Variants in CNTNAP2 observed in about 807,000 individuals in gnomAD.
CNTNAP2 encodes contactin associated protein 2.
In CNTNAP2, 98 loss-of-function variants were observed where a neutral mutation model predicts 155.2. The observed-to-expected ratio is 0.63, with a 90% CI of 0.54 to 0.75. CNTNAP2 has a LOEUF of 0.75. Among genes scored for constraint, CNTNAP2 ranks in the 30% least tolerant of loss-of-function variants. The pLI, the probability that CNTNAP2 is intolerant of heterozygous loss-of-function variation, is 0.00. For missense variants in CNTNAP2, 1,727 were observed against 1,688.1 expected (o/e 1.02, Z -0.40); for synonymous variants, 651 against 631.2 (o/e 1.03, Z -0.47).
chr7:146,385,446 A>G (rs1332000605), intron 1 of CNTNAP2, among the ~76,000 whole-genome samples: 2 of 152,244 alleles, frequency 1.3e-5, no homozygotes, highest in East Asian at 3.9e-4. Flanking sequence ...ATCAAGTGAC[A>G]TATATGAATG....
rs191898513 is a variant in CNTNAP2 at position 148,064,050 on chromosome 7, C to A, written c.2384-54068C>A. ...AGATCAGTTGGCTGTAAGTATTTGA[C>A]TTTTTTTCTGGGTTCTCTATTCTGT... On this transcript the variant is annotated intron_variant, in intron 15 of 23. Transcript: ENST00000361727. Among the ~76,000 whole-genome samples the A allele has an allele frequency of 1.9e-3, 287 of 152,062 alleles. 1 individual carries two copies. Among genetic ancestry groups the A allele is most frequent in the African/African-American group, 6.1e-3 (254 of 41,540 alleles).
At chr7:146,372,558 A>G (rs887922522) in intron 1 of CNTNAP2, among the ~76,000 whole-genome samples, 22 of 152,224 alleles carry the variant, frequency 1.4e-4, no homozygotes, top group African/African-American at 5.3e-4. Context: ...AACCAATTTT[A>G]ATTTCTAAGA....
At position 146,612,708 on chromosome 7, in the gene CNTNAP2, T is replaced by TA. The variant is rs538716096; in HGVS notation, c.98-161557dup. On this transcript the variant is annotated intron_variant, in intron 1 of 23. Transcript: ENST00000361727. ...GACGGGTACAGCTTAAATTTCCCAT[T>TA]AAAAAATCATATGTCATTCCCAAAC... Among the ~76,000 whole-genome samples, 366 of 152,254 alleles carry TA rather than the reference T, an allele frequency of 2.4e-3. 3 individuals are homozygous for TA. The highest frequency in any genetic ancestry group is 8.2e-3 in the African/African-American group (341 of 41,566).
intron 11 of CNTNAP2, among the ~76,000 whole-genome samples, chr7:147,524,734 T>C (rs566276859): frequency 7.3e-4 from 111 of 152,314 alleles, no homozygotes; most frequent in Non-Finnish European, 1.4e-3. Flanking sequence ...TAGTGCAGCA[T>C]AGGAGTTCCA....
At chr7:146,247,052 G>T (rs536953129) in intron 1 of CNTNAP2, among the ~76,000 whole-genome samples, 4 of 152,298 alleles carry the variant, frequency 2.6e-5, no homozygotes, top group Non-Finnish European at 5.9e-5. Flanking sequence ...TTTTGGAGTT[G>T]TATTTAATGT....
intron 10 of CNTNAP2, among the ~76,000 whole-genome samples, chr7:147,445,318 G>T (rs1797714987): frequency 6.6e-6 from 1 of 152,134 alleles, no homozygotes; most frequent in African/African-American, 2.4e-5. Flanking sequence ...TATTTCCTAT[G>T]AAACAGTGAG....
intron 1 of CNTNAP2, among the ~76,000 whole-genome samples, chr7:146,514,053 T>G (rs2129136080): frequency 6.6e-6 from 1 of 152,094 alleles, no homozygotes; most frequent in East Asian, 1.9e-4. Context: ...CCACCTGGCC[T>G]GGTTTTCACT....
At chr7:147,555,432 A>T (rs1349125022) in intron 11 of CNTNAP2, among the ~76,000 whole-genome samples, 1 of 152,348 alleles carries the variant, frequency 6.6e-6, no homozygotes, top group Admixed American at 6.5e-5. Flanking sequence ...GTACAAGTAT[A>T]TAGTAAGCAT....
At chr7:147,952,927 G>A (rs559976245) in intron 14 of CNTNAP2, among the ~76,000 whole-genome samples, 1 of 152,152 alleles carries the variant, frequency 6.6e-6, no homozygotes, top group Non-Finnish European at 1.5e-5. Flanking sequence ...GGAATAGCTA[G>A]TCTAATTTTG....
intron 9 of CNTNAP2, among the ~76,000 whole-genome samples, chr7:147,311,828 A>G (rs1253266268): frequency 6.6e-6 from 1 of 152,184 alleles, no homozygotes; most frequent in African/African-American, 2.4e-5. Context: ...AAATTCAAGT[A>G]ATATTCTTAT....
intron 1 of CNTNAP2, among the ~76,000 whole-genome samples, chr7:146,724,662 C>A (rs568984059): frequency 6.7e-6 from 1 of 149,274 alleles, no homozygotes; most frequent in Non-Finnish European, 1.5e-5. Flanking sequence ...CCTCCGACTC[C>A]GTGGTTCAAG....
At chr7:146,602,664 G>A (rs2129152102) in intron 1 of CNTNAP2, among the ~76,000 whole-genome samples, 1 of 152,236 alleles carries the variant, frequency 6.6e-6, no homozygotes, top group South Asian at 2.1e-4. Flanking sequence ...ATTTTTTACT[G>A]ATTGGAAAAT....
rs114205189 is a variant in CNTNAP2 at position 146,376,205 on chromosome 7, G to A, written c.97+259232G>A. 9.4e-3 allele frequency among the ~76,000 whole-genome samples: 1,435 copies of A among 152,210 alleles called. 23 individuals are homozygous for A. The highest frequency in any genetic ancestry group is 0.032 in the African/African-American group (1,318 of 41,532). On this transcript the variant is annotated intron_variant, in intron 1 of 23. Coordinates refer to ENST00000361727, the MANE Select transcript of CNTNAP2 (RefSeq NM_014141.6). Reference sequence around the variant, plus strand: ...AAGTTTGCTAGTACACATATCTATAGTCTTTGCTTTTTACCTCTGGATACA... The same window carrying A: ...AAGTTTGCTAGTACACATATCTATAATCTTTGCTTTTTACCTCTGGATACA...
At chr7:148,175,385 C>T (rs1327300848) in intron 18 of CNTNAP2, among the ~76,000 whole-genome samples, 1 of 152,054 alleles carries the variant, frequency 6.6e-6, no homozygotes, top group African/African-American at 2.4e-5. Context: ...CATAAAATAT[C>T]TAGCTATTTA....
At chr7:146,843,947 G>A in intron 3 of CNTNAP2, among the ~76,000 whole-genome samples, 1 of 152,034 alleles carries the variant, frequency 6.6e-6, no homozygotes, top group Admixed American at 6.6e-5. Context: ...TATAATGATT[G>A]TTTACCTGAG....
chr7:146,321,038 C>A (rs532931643), intron 1 of CNTNAP2, among the ~76,000 whole-genome samples: 1 of 151,900 alleles, frequency 6.6e-6, no homozygotes, highest in East Asian at 1.9e-4. Flanking sequence ...ACTAACAGAC[C>A]AATTTCATAA....
At chr7:146,652,864 G>A (rs528068274) in intron 1 of CNTNAP2, among the ~76,000 whole-genome samples, 12 of 152,220 alleles carry the variant, frequency 7.9e-5, no homozygotes, top group South Asian at 2.1e-4. Context: ...TGAAGACTTC[G>A]TTGTCGTGAA....
chr7:147,959,084 T>C (rs1265102792), intron 14 of CNTNAP2, among the ~76,000 whole-genome samples: 2 of 152,212 alleles, frequency 1.3e-5, no homozygotes, highest in Non-Finnish European at 2.9e-5. Flanking sequence ...TTTCTTTGGC[T>C]GTTGAGACTT....
chr7:147,622,153 C>T (rs1379050391), intron 12 of CNTNAP2, among the ~76,000 whole-genome samples: 1 of 151,780 alleles, frequency 6.6e-6, no homozygotes, highest in Non-Finnish European at 1.5e-5. Context: ...ATTATTAGAG[C>T]TAAAGAGAGA....
Sources: allele counts gnomAD v4.1 joint callset (sites outside exome capture counted in the v4.1 genomes callset), GRCh38; gene constraint gnomAD v4.1.1; transcripts MANE v1.5; gene names NCBI Gene and HGNC (gene_info 2026-07-23, HGNC 2026-07-21).